The following FRMD5 variants were observed in gnomAD, a reference collection of about 807,000 sequenced individuals.
The protein encoded by FRMD5 is FERM domain containing 5.
FRMD5 carries 20 observed loss-of-function variants against 69.0 expected under a neutral mutation model. The ratio of observed to expected loss-of-function variants is 0.29; its 90% CI spans 0.20 to 0.42. The LOEUF (loss-of-function observed/expected upper bound fraction) is 0.42, where lower values mean the gene tolerates loss of function less well. Ranked by LOEUF, FRMD5 falls within the 10% of genes least tolerant of loss-of-function variation. FRMD5 has a pLI of 1.00. For missense variants in FRMD5, 595 were observed against 708.6 expected (o/e 0.84, Z 1.82); for synonymous variants, 271 against 260.1 (o/e 1.04, Z -0.40).
At chr15:44,105,089 T>TTC (rs1238964787) in intron 1 of FRMD5, among the ~76,000 whole-genome samples, 1 of 149,010 alleles carries the variant, frequency 6.7e-6, no homozygotes, top group Admixed American at 6.7e-5. Flanking sequence ...TTCTTTTCTT[T>TTC]TTTTTTTTTT....
chr15:43,878,284 T>A (rs1200902479), intron 13 of FRMD5, among the ~76,000 whole-genome samples: 1 of 152,126 alleles, frequency 6.6e-6, no homozygotes, highest in Non-Finnish European at 1.5e-5. Context: ...TAATTGTACA[T>A]CATTTTGCTT....
intron 1 of FRMD5, among the ~76,000 whole-genome samples, chr15:44,176,690 CAAAT>C (rs2077900644): frequency 6.6e-6 from 1 of 151,950 alleles, no homozygotes; most frequent in Non-Finnish European, 1.5e-5. Flanking sequence ...AACAAAGAGA[CAAAT>C]AACCCAATTT....
chr15:44,096,399 G>GTA (rs1344858771), intron 1 of FRMD5, among the ~76,000 whole-genome samples: 1 of 147,018 alleles, frequency 6.8e-6, no homozygotes, highest in African/African-American at 2.5e-5. Context: ...CTAGTACGGT[G>GTA]TATCTTTTTT....
chr15:44,100,041 T>C (rs2076614448), intron 1 of FRMD5, among the ~76,000 whole-genome samples: 1 of 150,370 alleles, frequency 6.7e-6, no homozygotes, highest in Admixed American at 6.6e-5. Flanking sequence ...AATAGCTTCT[T>C]CTTCTCTTTT....
intron 1 of FRMD5, among the ~76,000 whole-genome samples, chr15:44,052,578 A>G (rs563907264): frequency 6.6e-6 from 1 of 151,412 alleles, no homozygotes; most frequent in South Asian, 2.1e-4. Context: ...AATATTGCTC[A>G]GGACACCCTG....
intron 2 of FRMD5, among the ~76,000 whole-genome samples, chr15:43,920,580 A>G (rs925718095): frequency 7.2e-5 from 11 of 152,140 alleles, no homozygotes; most frequent in Admixed American, 2.6e-4. Context: ...TTAATTCTAC[A>G]TGGGTCCTTT....
chr15:44,068,351 C>T (rs1178572018), intron 1 of FRMD5, among the ~76,000 whole-genome samples: 1 of 152,106 alleles, frequency 6.6e-6, no homozygotes, highest in African/African-American at 2.4e-5. Context: ...ATGTCTATCA[C>T]TTGATGAATG....
At chr15:43,927,344 C>T (rs531032249) in intron 1 of FRMD5, among the ~76,000 whole-genome samples, 9 of 152,274 alleles carry the variant, frequency 5.9e-5, no homozygotes, top group Non-Finnish European at 1.2e-4. Context: ...AGCCTGAACT[C>T]GCAGGCCCTA....
chr15:44,053,878 G>C (rs1334425312), intron 1 of FRMD5, among the ~76,000 whole-genome samples: 1 of 152,142 alleles, frequency 6.6e-6, no homozygotes, highest in Non-Finnish European at 1.5e-5. Flanking sequence ...AGATAGTTTA[G>C]GAAAGAATTC....
rs1217796787 is a variant in FRMD5 at position 43,888,893 on chromosome 15, C to T, written c.729-21G>A. ...CATTCCTAGAAGCACAAAGATAGTG[C>T]CTGTCACCTCATTGTGGGCTGCTTG... On this transcript the variant is annotated intron_variant, in intron 8 of 13. Transcript: ENST00000417257. 3 of 1,608,916 alleles carry T rather than the reference C, an allele frequency of 1.9e-6. No individual in the cohort carries two copies. In the East Asian group the frequency reaches 6.7e-5, roughly 36 times the overall value.
chr15:44,081,556 C>T (rs558339040), intron 1 of FRMD5, among the ~76,000 whole-genome samples: 1 of 151,992 alleles, frequency 6.6e-6, no homozygotes, highest in Non-Finnish European at 1.5e-5. Context: ...ATGGTCCAGT[C>T]GTTTACTTAT....
intron 3 of FRMD5, 59 bp from the exon 4 acceptor site, chr15:43,919,596 C>T: frequency 6.5e-7 from 1 of 1,542,128 alleles, no homozygotes; most frequent in Non-Finnish European, 9.0e-7. Flanking sequence ...GGACAGGGCT[C>T]TTCTGCCCAC....
Position 43,872,114 on chromosome 15 carries a change from G to A in FRMD5, c.*1771C>T, listed in dbSNP as rs2088175422. 6.6e-6 allele frequency: 1 copy of A among 152,230 alleles called. No homozygotes were observed. The highest frequency in any genetic ancestry group is 1.5e-5 in the Non-Finnish European group (1 of 68,040). The allele number at this position is 152,230 out of a possible 1,614,324, so 9.4% of individuals were successfully genotyped here. A position where few individuals can be genotyped will look rare whatever the true frequency, so the allele number is the denominator to read the frequency against. Reference sequence around the variant, plus strand: ...TGTGATGGCAGAATTGAGCAGTTGTGACACAGTATGGCGTGCTAAACCAAA... The same window carrying A: ...TGTGATGGCAGAATTGAGCAGTTGTAACACAGTATGGCGTGCTAAACCAAA... On this transcript the variant is annotated 3_prime_UTR_variant, in exon 14 of 14. Coordinates refer to ENST00000417257, the MANE Select transcript of FRMD5 (RefSeq NM_032892.5).
intron 4 of FRMD5, among the ~76,000 whole-genome samples, chr15:43,910,572 CAAAAAAAAA>C (rs1167867396): frequency 5.0e-5 from 2 of 40,354 alleles, no homozygotes; most frequent in African/African-American, 7.2e-5. Flanking sequence ...GACCTTGTCT[CAAAAAAAAA>C]AAAAAAAAAA....
At chr15:43,874,787 T>C (rs193246821) in intron 13 of FRMD5, among the ~76,000 whole-genome samples, 2 of 149,228 alleles carry the variant, frequency 1.3e-5, no homozygotes, top group African/African-American at 5.0e-5. Flanking sequence ...GTAATCCCAG[T>C]TACTTGGTGG....
chr15:43,880,149 T>G (rs369866995), intron 13 of FRMD5, among the ~76,000 whole-genome samples: 1 of 152,180 alleles, frequency 6.6e-6, no homozygotes, highest in East Asian at 1.9e-4. Context: ...AGTCCAGGCC[T>G]GCCCTGGTGC....
chr15:44,106,752 C>T (rs532200732), intron 1 of FRMD5, among the ~76,000 whole-genome samples: 3 of 98,940 alleles, frequency 3.0e-5, no homozygotes, highest in African/African-American at 1.2e-4. Flanking sequence ...AACTGTGAGG[C>T]AAAGTTCTGC....
chr15:44,045,976 T>C (rs765454530), intron 1 of FRMD5, among the ~76,000 whole-genome samples: 11 of 152,168 alleles, frequency 7.2e-5, no homozygotes, highest in Non-Finnish European at 1.3e-4. Flanking sequence ...TACAGTTGTA[T>C]AGTCTCTTTG....
chr15:44,030,681 T>C (rs1390663612), intron 1 of FRMD5, among the ~76,000 whole-genome samples: 2 of 152,000 alleles, frequency 1.3e-5, no homozygotes, highest in Admixed American at 6.6e-5. Context: ...AGTGATACCA[T>C]GGATCCCATT....
Sources: allele counts gnomAD v4.1 joint callset (sites outside exome capture counted in the v4.1 genomes callset), GRCh38; gene constraint gnomAD v4.1.1; transcripts MANE v1.5; gene names NCBI Gene and HGNC (gene_info 2026-07-23, HGNC 2026-07-21).